Variants in C1orf167 observed in about 807,000 individuals in gnomAD.
The protein encoded by C1orf167 is uncharacterized protein C1orf167.
Under a neutral mutation model 176.5 loss-of-function variants are expected in C1orf167, and 153 were observed. The ratio of observed to expected loss-of-function variants is 0.87; its 90% CI spans 0.76 to 0.99. The LOEUF (loss-of-function observed/expected upper bound fraction) is 0.99. Among genes scored for constraint, C1orf167 ranks in the 50% least tolerant of loss-of-function variants. The pLI, the probability that C1orf167 is intolerant of heterozygous loss-of-function variation, is 0.00. For synonymous variants in C1orf167, 594 were observed against 752.7 expected, an observed-to-expected ratio of 0.79 and a Z score of 3.45; for missense variants, 1,490 against 1,817.7, an observed-to-expected ratio of 0.82 and a Z score of 3.28.
chr1:11,787,343 C>G (rs1643904235), intron 16 of C1orf167, 45 bp from the exon 17 acceptor site: 9 of 1,195,620 alleles, frequency 7.5e-6, no homozygotes, highest in Non-Finnish European at 8.6e-6. Flanking sequence ...CCCAGGAAGT[C>G]CAAGCCCATG....
In C1orf167 at chr1:11,785,174, C is replaced by G; in HGVS notation, c.3452C>G (p.Ala1151Gly). The change falls in exon 16 of 21, where the codon GCG becomes GGG. Residue 1151 changes from alanine to glycine, a missense_variant. Coordinates refer to ENST00000688073, the MANE Select transcript of C1orf167 (RefSeq NM_001010881.2). The stretch of plus-strand genomic sequence containing the variant: ...GTCCTAGAGGCCTCGGTGCAGTCGG[C>G]GGTGCGCGGCGGTGTCCAGCGAGCC... ...AWVLEASVQS[A>G]VRGGVQRAIL... 7.7e-7 allele frequency: 1 copy of G among 1,291,326 alleles called. No individual in the cohort carries two copies. Among genetic ancestry groups the G allele is most frequent in the South Asian group, 1.2e-5 (1 of 80,970 alleles). 80.0% of individuals were successfully genotyped at this position (1,291,326 alleles called of 1,614,324 possible).
At chr1:11,787,774 C>T (rs1450687760) in intron 17 of C1orf167, 99 bp from the exon 18 acceptor site, 1 of 1,172,204 alleles carries the variant, frequency 8.5e-7, no homozygotes, top group Non-Finnish European at 1.1e-6. Context: ...CAGCACCTTC[C>T]TCCACCCTCC....
Position 11,788,308 on chromosome 1 carries a change from C to G in C1orf167, c.4008C>G (p.Gly1336=). The change falls in exon 19 of 21, where the codon GGC becomes GGG. Residue 1336 remains glycine, a synonymous_variant. Coordinates refer to ENST00000688073, the MANE Select transcript of C1orf167 (RefSeq NM_001010881.2). Reference sequence around the variant, plus strand: ...CACGGGCTGCGGGGTTCCCAGCAGGCCAGGTGCCTGGCAGTGGCATGGCAG... The same window carrying G: ...CACGGGCTGCGGGGTTCCCAGCAGGGCAGGTGCCTGGCAGTGGCATGGCAG... ...TASRAAGFPA[G]QVPGSGMAAL... 1 of 1,303,094 alleles carries G rather than the reference C, an allele frequency of 7.7e-7. No homozygotes were observed. Among genetic ancestry groups the G allele is most frequent in the Non-Finnish European group, 1.0e-6 (1 of 988,326 alleles). The allele number at this position is 1,303,094 out of a possible 1,614,324, so 80.7% of individuals were successfully genotyped here. A position where few individuals can be genotyped will look rare whatever the true frequency, so the allele number is the denominator to read the frequency against.
At position 11,766,303 on chromosome 1, in the gene C1orf167, GC is replaced by G. The variant is rs1642791477; in HGVS notation, c.521del (p.Pro174GlnfsTer151). ...SSCLRQSGLP[A>X]PGTPSGDFRP... ...CTGCCTGAGGCAGTCCGGGCTGCCG[GC>G]CCCAGGCACCCCTAGCGGGGACTTC... On this transcript the variant is annotated frameshift_variant, in exon 3 of 21. Coordinates refer to ENST00000688073, the MANE Select transcript of C1orf167 (RefSeq NM_001010881.2). LOFTEE classifies it high-confidence loss of function. The surrounding 1 kb of genome is among the most constrained non-coding windows in gnomAD (Gnocchi z 4.5). 1 of 1,289,190 alleles carries G rather than the reference GC, an allele frequency of 7.8e-7. No homozygotes were observed. Among genetic ancestry groups the G allele is most frequent in the Non-Finnish European group, 1.0e-6 (1 of 988,682 alleles). The allele number at this position is 1,289,190 out of a possible 1,614,324, so 79.9% of individuals were successfully genotyped here. A position where few individuals can be genotyped will look rare whatever the true frequency, so the allele number is the denominator to read the frequency against.
At chr1:11,765,030 A>G (rs6677240) in intron 2 of C1orf167, among the ~76,000 whole-genome samples, 93,062 of 135,844 alleles carry the variant, frequency 0.69, 31,856 homozygotes, top group Admixed American at 0.77. Flanking sequence ...CTCTAGCCTG[A>G]GCCACAGAGC....
chr1:11,775,460 G>C lies in C1orf167; in HGVS notation c.2014G>C (p.Val672Leu). The C allele has an allele frequency of 7.7e-7, 1 of 1,302,862 alleles. No homozygotes were observed. Among genetic ancestry groups the C allele is most frequent in the South Asian group, 1.2e-5 (1 of 80,906 alleles). The allele number at this position is 1,302,862 out of a possible 1,614,324, so 80.7% of individuals were successfully genotyped here. ...GTGCTTCGGGGCGTGGCAGCAGTTC[G>C]TGCAAAGAGGGTCCCGGTACCGAGA... ...CRCFGAWQQFVQRGSRYRDHL... is the reference protein window; with the variant it reads ...CRCFGAWQQFLQRGSRYRDHL... Residue 672 changes from valine (V) to leucine (L), a missense_variant, in exon 9 of 21, where the codon GTG becomes CTG. Transcript: ENST00000688073.
chr1:11,770,650 T>C (rs566350058), intron 6 of C1orf167, among the ~76,000 whole-genome samples: 1 of 150,388 alleles, frequency 6.6e-6, no homozygotes, highest in East Asian at 2.0e-4. Context: ...TTAGTAGAGA[T>C]GGGGTTTCGC....
chr1:11,778,141 G>C (rs1029391914), intron 10 of C1orf167: 2 of 151,856 alleles, frequency 1.3e-5, no homozygotes, highest in Non-Finnish European at 2.9e-5. Context: ...GCACTAGCTC[G>C]GTTAGCCAGA....
At position 11,787,278 on chromosome 1, in the gene C1orf167, G is replaced by C. The variant is rs183631107; in HGVS notation, c.3568-110G>C. Reference sequence around the variant, plus strand: ...CTTCAGCCACATGGGGGAATGGGTGGAAGAGGCCGGGATGTGTCCTGCCAG... The same window carrying C: ...CTTCAGCCACATGGGGGAATGGGTGCAAGAGGCCGGGATGTGTCCTGCCAG... On this transcript the variant is annotated intron_variant, in intron 16 of 20. Transcript: ENST00000688073. 3,441 of 399,324 alleles carry C rather than the reference G, an allele frequency of 8.6e-3. 37 individuals are homozygous for C. Among genetic ancestry groups the C allele is most frequent in the Non-Finnish European group, 7.9e-3 (2,271 of 287,456 alleles). 24.7% of individuals were successfully genotyped at this position (399,324 alleles called of 1,614,324 possible).
intron 4 of C1orf167, 107 bp from the exon 5 acceptor site, chr1:11,767,970 C>A: frequency 1.2e-6 from 1 of 865,012 alleles, no homozygotes; most frequent in Non-Finnish European, 1.6e-6. Flanking sequence ...CGTGGGTCAT[C>A]ACCCTACTGA....
chr1:11,762,494 G>A (rs1642558524), intron 1 of C1orf167, among the ~76,000 whole-genome samples, 189 bp downstream of exon 1: 1 of 152,204 alleles, frequency 6.6e-6, no homozygotes, highest in Non-Finnish European at 1.5e-5. Context: ...GTGCAGGAAG[G>A]TCTCCTGTGG....
intron 14 of C1orf167, among the ~76,000 whole-genome samples, chr1:11,782,996 A>G (rs1293543866): frequency 6.6e-6 from 1 of 151,850 alleles, no homozygotes; most frequent in Admixed American, 6.6e-5. Flanking sequence ...AGTTACAGCA[A>G]GGAGAATTCT....
rs1423444202 is a variant in C1orf167, at chr1:11,766,915, G to T, written c.1129G>T (p.Val377Leu). 2 of 1,224,770 alleles carry T rather than the reference G, an allele frequency of 1.6e-6. No individual in the cohort carries two copies. The highest frequency in any genetic ancestry group is 2.1e-6 in the Non-Finnish European group (2 of 955,774). 75.9% of individuals were successfully genotyped at this position (1,224,770 alleles called of 1,614,324 possible). The stretch of plus-strand genomic sequence containing the variant: ...GGGTGACCCCAGTCTCCCTCGAGGG[G>T]TGGGAAGCAGGGGGACCGACCCCTG... ...QRGDPSLPRG[V>L]GSRGTDPCSS... The change falls in exon 3 of 21, where the codon GTG (valine) becomes TTG (leucine). Residue 377 changes from valine (V) to leucine (L), a missense_variant. By Grantham distance (32) the Val-to-Leu change is conservative (BLOSUM62 1). Transcript: ENST00000688073. The surrounding 1 kb of genome is among the most constrained non-coding windows in gnomAD (Gnocchi z 4.5).
At position 11,785,214 on chromosome 1, in the gene C1orf167, C is replaced by A; in HGVS notation, c.3492C>A (p.Leu1164=). The change falls in exon 16 of 21, where the codon CTC becomes CTA. Residue 1164 remains leucine (L), a synonymous_variant. Transcript: ENST00000688073. ...TCCAGCGAGCCATCCTCACCCAGCT[C>A]CGGCCGGCTGAGCTCAGGCGCTTCC... ...GGVQRAILTQ[L]RPAELRRFLR... The A allele has an allele frequency of 1.5e-6, 2 of 1,291,768 alleles. No homozygotes were observed. The highest frequency in any genetic ancestry group is 1.0e-6 in the Non-Finnish European group (1 of 988,814). 80.0% of individuals were successfully genotyped at this position (1,291,768 alleles called of 1,614,324 possible). A position where few individuals can be genotyped will look rare whatever the true frequency, so the allele number is the denominator to read the frequency against.
chr1:11,772,006 G>A (rs1643103693), intron 7 of C1orf167, 76 bp from the exon 8 acceptor site: 2 of 1,163,506 alleles, frequency 1.7e-6, no homozygotes, highest in Middle Eastern at 3.2e-4. Flanking sequence ...CACCCCACAT[G>A]TCAGGGGCCC....
At chr1:11,770,781 A>C (rs2100283328) in intron 6 of C1orf167, among the ~76,000 whole-genome samples, 1 of 141,008 alleles carries the variant, frequency 7.1e-6, no homozygotes, top group South Asian at 2.3e-4. Context: ...TTTTTTCTTT[A>C]TTTCCCCAAT....
At chr1:11,784,625 C>A in intron 15 of C1orf167, 32 bp downstream of exon 15, 2 of 1,207,642 alleles carry the variant, frequency 1.7e-6, no homozygotes, top group Non-Finnish European at 1.1e-6. Flanking sequence ...CAGCCCCACT[C>A]TGTGCTTCCA....
At chr1:11,788,935 T>A (rs1643992179) in intron 20 of C1orf167, 189 bp downstream of exon 20, 1 of 427,818 alleles carries the variant, frequency 2.3e-6, no homozygotes, top group Non-Finnish European at 4.1e-6. Context: ...TTGCTTTGAT[T>A]TGTGGCCCCA....
chr1:11,768,242 C>G lies in C1orf167; in HGVS notation c.1509C>G (p.Tyr503Ter). 7.8e-7 allele frequency: 1 copy of G among 1,289,924 alleles called. No homozygotes were observed. Among genetic ancestry groups the G allele is most frequent in the South Asian group, 1.2e-5 (1 of 81,032 alleles). 79.9% of individuals were successfully genotyped at this position (1,289,924 alleles called of 1,614,324 possible). ...EAQLEAAWGQ[Y>*]TKVLLVRSFR... ...AGCTGGAGGCAGCATGGGGGCAGTA[C>G]ACAAAGGTTCTGCTGGTCCGGAGCT... Residue 503 changes from tyrosine (Y) to a stop codon, truncating the protein, a stop_gained, in exon 5 of 21, where the codon TAC becomes TAG. Coordinates refer to ENST00000688073, the MANE Select transcript of C1orf167 (RefSeq NM_001010881.2). LOFTEE classifies it high-confidence loss of function. The surrounding 1 kb of genome is among the most constrained non-coding windows in gnomAD (Gnocchi z 4.5).
Sources: allele counts gnomAD v4.1 joint callset (sites outside exome capture counted in the v4.1 genomes callset), GRCh38; gene constraint gnomAD v4.1.1; non-coding constraint Gnocchi (gnomAD v3.1); transcripts MANE v1.5; gene names NCBI Gene and HGNC (gene_info 2026-07-23, HGNC 2026-07-21).